The following TIPIN variants were observed in gnomAD, a reference collection of about 807,000 sequenced individuals.
TIPIN encodes TIMELESS-interacting protein.
In TIPIN, 29 loss-of-function variants were observed where a neutral mutation model predicts 35.6. That is an observed-to-expected ratio of 0.82 (90% CI 0.61 to 1.11). The LOEUF is 1.11. Ranked by LOEUF, TIPIN falls within the 50% of genes most tolerant of loss-of-function variation. TIPIN has a pLI of 0.00. For missense variants in TIPIN, 296 were observed against 345.4 expected (o/e 0.86, Z 1.13); for synonymous variants, 102 against 121.5 (o/e 0.84, Z 1.06).
intron 1 of TIPIN, among the ~76,000 whole-genome samples, chr15:66,367,839 G>GT (rs933648941): frequency 3.6e-4 from 51 of 143,582 alleles, no homozygotes; most frequent in African/African-American, 1.1e-3. Context: ...CTTTGTTTTT[G>GT]TTTTTTTTTT....
chr15:66,346,860 C>T lies in TIPIN; in HGVS notation c.475+2200G>A, dbSNP rs62627310. Among the ~76,000 whole-genome samples, 1,337 of 151,794 alleles carry T rather than the reference C, an allele frequency of 8.8e-3. 17 individuals carry two copies. Among genetic ancestry groups the T allele is most frequent in the African/African-American group, 0.03 (1,250 of 41,378 alleles). ...AGGCTGGAGTGCAGTGGCGTGATCT[C>T]GGCTCACTGCAAGCTCCACCTCCTA... is the stretch of plus-strand genomic sequence containing the variant. On this transcript the variant is annotated intron_variant, in intron 6 of 7. Coordinates refer to ENST00000261881, the MANE Select transcript of TIPIN (RefSeq NM_017858.3).
upstream of TIPIN, among the ~76,000 whole-genome samples, chr15:66,358,512 C>T (rs1373417578): frequency 6.6e-6 from 1 of 151,394 alleles, no homozygotes; most frequent in Non-Finnish European, 1.5e-5. Flanking sequence ...CAGCTAGAAT[C>T]AGGTGATCCT....
chr15:66,365,276 T>C (rs561704364), intron 1 of TIPIN, among the ~76,000 whole-genome samples: 2 of 150,770 alleles, frequency 1.3e-5, no homozygotes, highest in South Asian at 4.1e-4. Flanking sequence ...CTGCTCATAA[T>C]ACATTATACA....
chr15:66,383,107 T>TAAA (rs2093323882), intron 1 of TIPIN: 1 of 506,754 alleles, frequency 2.0e-6, no homozygotes, highest in African/African-American at 2.1e-5. Context: ...ATTTCAATAT[T>TAAA]AAAAAGAATG....
chr15:66,345,706 G>A (rs776903556), intron 6 of TIPIN, among the ~76,000 whole-genome samples: 6 of 150,586 alleles, frequency 4.0e-5, no homozygotes, highest in Non-Finnish European at 7.4e-5. Context: ...GTGAGACTCC[G>A]TCTCAAAAAA....
chr15:66,381,074 G>A (rs1026374877), intron 1 of TIPIN, among the ~76,000 whole-genome samples: 2 of 152,046 alleles, frequency 1.3e-5, no homozygotes, highest in South Asian at 2.1e-4. Flanking sequence ...TCATGGAAGT[G>A]GAATTACTGA....
At chr15:66,351,686 G>A in intron 3 of TIPIN, 86 bp from the exon 4 acceptor site, 3 of 1,129,648 alleles carry the variant, frequency 2.7e-6, no homozygotes, top group East Asian at 2.6e-5. Flanking sequence ...CGCCCAGGCT[G>A]GGATGCGGTG....
intron 1 of TIPIN, among the ~76,000 whole-genome samples, chr15:66,376,713 G>C (rs1414890826): frequency 6.6e-6 from 1 of 151,840 alleles, no homozygotes; most frequent in Non-Finnish European, 1.5e-5. Context: ...ACAGGCATGA[G>C]CCACCGTGCC....
intron 1 of TIPIN, among the ~76,000 whole-genome samples, chr15:66,367,244 C>CTATATCTG (rs1555410047): frequency 2.0e-5 from 3 of 146,454 alleles, no homozygotes; most frequent in South Asian, 2.2e-4. Flanking sequence ...ATATCTATAT[C>CTATATCTG]TATCTATATA....
intron 6 of TIPIN, among the ~76,000 whole-genome samples, chr15:66,346,473 C>A (rs1448813172): frequency 3.3e-5 from 5 of 152,022 alleles, no homozygotes; most frequent in African/African-American, 1.2e-4. Context: ...TCCCTCTACC[C>A]CCAGGGACAT....
intron 6 of TIPIN, among the ~76,000 whole-genome samples, chr15:66,348,630 G>A (rs2093144883): frequency 6.6e-6 from 1 of 151,384 alleles, no homozygotes; most frequent in Non-Finnish European, 1.5e-5. Context: ...GGAGATGGAG[G>A]TTGTAGTGAG....
chr15:66,384,626 G>A (rs936179899), intron 1 of TIPIN, among the ~76,000 whole-genome samples: 1 of 151,986 alleles, frequency 6.6e-6, no homozygotes, highest in African/African-American at 2.4e-5. Flanking sequence ...AAAACTATGA[G>A]TTCAGGCCGG....
intron 2 of TIPIN, 151 bp from the exon 3 acceptor site, chr15:66,352,358 G>A (rs2093174000): frequency 1.6e-6 from 1 of 618,042 alleles, no homozygotes; most frequent in South Asian, 2.3e-5. Context: ...GAGTGCAGTG[G>A]TGCGATCTTG....
At chr15:66,379,471 T>C in intron 1 of TIPIN, 1 of 1,608,022 alleles carries the variant, frequency 6.2e-7, no homozygotes, top group Non-Finnish European at 8.5e-7. Flanking sequence ...TCAATGTCAT[T>C]TCCTTCAAAG....
At chr15:66,345,226 C>G (rs2093116422) in intron 6 of TIPIN, among the ~76,000 whole-genome samples, 1 of 151,854 alleles carries the variant, frequency 6.6e-6, no homozygotes, top group African/African-American at 2.4e-5. Flanking sequence ...GAAGAGTGTT[C>G]CAGGCAGAGT....
Position 66,336,980 on chromosome 15 carries a change from C to A in TIPIN, c.884G>T (p.Arg295Ile). ...NVQQQLDATS[R>I]NITEAR Reference sequence around the variant, plus strand: ...AACTTATCTAGCTTCAGTAATATTTCTGGATGTAGCATCAAGTTGCTGTTG... The same window carrying A: ...AACTTATCTAGCTTCAGTAATATTTATGGATGTAGCATCAAGTTGCTGTTG... Residue 295 changes from arginine (R) to isoleucine (I), a missense_variant, in exon 8 of 8, where the codon AGA becomes ATA. By Grantham distance (97) the Arg-to-Ile change is moderately conservative. Transcript: ENST00000261881. 1 of 1,612,200 alleles carries A rather than the reference C, an allele frequency of 6.2e-7. No homozygotes were observed. The highest frequency in any genetic ancestry group is 1.1e-5 in the South Asian group (1 of 91,046).
At chr15:66,366,802 A>G (rs2093256789) in intron 1 of TIPIN, 1 of 979,962 alleles carries the variant, frequency 1.0e-6, no homozygotes. Context: ...AAAGAAAAAA[A>G]GAAAAAGAAA....
intron 6 of TIPIN, chr15:66,348,172 A>G (rs1203084706): frequency 6.6e-6 from 1 of 151,812 alleles, no homozygotes. Context: ...CACCTGATTA[A>G]CTTTTTAAAA....
intron 1 of TIPIN, among the ~76,000 whole-genome samples, chr15:66,384,341 C>G (rs1208139490): frequency 6.6e-6 from 1 of 151,976 alleles, no homozygotes; most frequent in Admixed American, 6.6e-5. Context: ...GTTGCCCAGG[C>G]TGGAGTGCAG....
Sources: allele counts gnomAD v4.1 joint callset (sites outside exome capture counted in the v4.1 genomes callset), GRCh38; gene constraint gnomAD v4.1.1; transcripts MANE v1.5; gene names NCBI Gene and HGNC (gene_info 2026-07-23, HGNC 2026-07-21).